Variants in CHD1L observed in about 807,000 individuals in gnomAD.
CHD1L encodes the protein ATP-dependent chromatin remodeler CHD1L.
In CHD1L, 118 loss-of-function variants were observed where a neutral mutation model predicts 115.9. The ratio of observed to expected loss-of-function variants is 1.02; its 90% CI spans 0.88 to 1.19. The LOEUF is 1.19. Among genes scored for constraint, CHD1L ranks in the 50% most tolerant of loss-of-function variants. The pLI is 0.00. For missense variants in CHD1L, 1,179 were observed against 1,065.3 expected, an observed-to-expected ratio of 1.11 and a Z score of -1.49; for synonymous variants, 411 against 387.1, an observed-to-expected ratio of 1.06 and a Z score of -0.72.
rs1203980508 is a variant in CHD1L at position 147,260,200 on chromosome 1, TTGG to T, written c.576+288_576+290del. ...CCATAGTTTACATTCGGGTTCACTC[TTGG>T]TGGTGTGCATTCTGTAGGTTTGGAC... On this transcript the variant is annotated intron_variant, in intron 6 of 22. Coordinates refer to ENST00000369258, the MANE Select transcript of CHD1L (RefSeq NM_004284.6). 4 of 266,882 alleles carry T rather than the reference TTGG, an allele frequency of 1.5e-5. No homozygotes were observed. In the East Asian group the frequency reaches 2.8e-4, roughly 19 times the overall value. 16.5% of individuals were successfully genotyped at this position (266,882 alleles called of 1,614,324 possible).
chr1:147,202,103 CA>C, the CHD1L span, among the ~76,000 whole-genome samples: 1 of 152,158 alleles, frequency 6.6e-6, no homozygotes, highest in South Asian at 2.1e-4. Flanking sequence ...CAATGATACA[CA>C]GCCTAGGATT....
chr1:147,247,554 G>C (rs1352105342), intron 1 of CHD1L, among the ~76,000 whole-genome samples: 3 of 152,150 alleles, frequency 2.0e-5, no homozygotes, highest in African/African-American at 7.2e-5. Flanking sequence ...TGAAGCAGAT[G>C]TTGGTGCCAT....
the CHD1L span, among the ~76,000 whole-genome samples, chr1:147,177,426 T>A: frequency 2.6e-5 from 4 of 152,106 alleles, no homozygotes; most frequent in East Asian, 1.9e-4. Context: ...TTCCAAAAAA[T>A]TTATGTACTC....
At chr1:147,291,043 A>C (rs782008506) in intron 19 of CHD1L, among the ~76,000 whole-genome samples, 1 of 152,158 alleles carries the variant, frequency 6.6e-6, no homozygotes, top group African/African-American at 2.4e-5. Flanking sequence ...AAATTAGCAC[A>C]TTTTTCTTCA....
chr1:147,222,841 G>T, the CHD1L span, among the ~76,000 whole-genome samples: 1 of 152,292 alleles, frequency 6.6e-6, no homozygotes, highest in African/African-American at 2.4e-5. Flanking sequence ...ACAAGATGAT[G>T]GATGCCCTCC....
chr1:147,243,477 T>C (rs1553932452), intron 1 of CHD1L, among the ~76,000 whole-genome samples: 1 of 152,140 alleles, frequency 6.6e-6, no homozygotes, highest in Admixed American at 6.5e-5. Context: ...ACTCGATTTA[T>C]TGACACTAGC....
At chr1:147,288,380 A>G (rs587749246) in intron 19 of CHD1L, among the ~76,000 whole-genome samples, 61 of 151,252 alleles carry the variant, frequency 4.0e-4, no homozygotes, top group African/African-American at 1.5e-3. Flanking sequence ...ACATGAAGGA[A>G]TATGTCATGA....
At chr1:147,198,871 A>G in the CHD1L span, among the ~76,000 whole-genome samples, 1 of 150,634 alleles carries the variant, frequency 6.6e-6, no homozygotes, top group African/African-American at 2.4e-5. Flanking sequence ...AAAAAAAAAA[A>G]AAAAGAAAGA....
intron 22 of CHD1L, 65 bp downstream of exon 22, chr1:147,294,582 G>T: frequency 1.5e-6 from 2 of 1,308,582 alleles, no homozygotes; most frequent in African/African-American, 1.5e-5. Flanking sequence ...TTCATTTTCT[G>T]GTGTCAGTTC....
At chr1:147,218,789 T>G in the CHD1L span, among the ~76,000 whole-genome samples, 1 of 152,216 alleles carries the variant, frequency 6.6e-6, no homozygotes, top group Non-Finnish European at 1.5e-5. Context: ...TGCACAACTT[T>G]AAACCTTCGT....
chr1:147,187,946 A>G, the CHD1L span, among the ~76,000 whole-genome samples: 2 of 152,214 alleles, frequency 1.3e-5, no homozygotes, highest in Non-Finnish European at 2.9e-5. Flanking sequence ...ACTGTAGGAC[A>G]GAGAGGAAGA....
chr1:147,178,159 C>T, the CHD1L span: 5 of 1,609,580 alleles, frequency 3.1e-6, no homozygotes, highest in African/African-American at 1.3e-5. Flanking sequence ...GGCGCTGCTT[C>T]TCGCCGCGGC....
the CHD1L span, chr1:147,173,176 C>G: frequency 6.5e-6 from 1 of 153,204 alleles, no homozygotes; most frequent in African/African-American, 2.4e-5. Context: ...TGGCGCGCGC[C>G]GGAAGTCCCA....
At chr1:147,196,399 A>G in the CHD1L span, among the ~76,000 whole-genome samples, 1 of 152,112 alleles carries the variant, frequency 6.6e-6, no homozygotes, top group Non-Finnish European at 1.5e-5. Flanking sequence ...AATTACTTCT[A>G]CACAACCACA....
chr1:147,256,090 A>G (rs1670038059), intron 4 of CHD1L, among the ~76,000 whole-genome samples, 163 bp downstream of exon 4: 1 of 152,158 alleles, frequency 6.6e-6, no homozygotes, highest in Non-Finnish European at 1.5e-5. Flanking sequence ...AAAAGAAGTG[A>G]AGGATCATTG....
At position 147,286,340 on chromosome 1, in the gene CHD1L, GC is replaced by G; in HGVS notation, c.2064del (p.Ser689LeufsTer52). Reference protein sequence around the residue: ...ESNNYQSFCLPSEESEPEDLE... With the variant: ...ESNNYQSFCLXSEESEPEDLE... ...CCAACAATTACCAGTCCTTCTGCCT[GC>G]CCTCTGAGGAGAGCGAGCCAGAGGA... On this transcript the variant is annotated frameshift_variant, in exon 18 of 23. Transcript: ENST00000369258. LOFTEE classifies it high-confidence loss of function. 6.2e-7 allele frequency: 1 copy of G among 1,614,120 alleles called. No individual in the cohort carries two copies. Among genetic ancestry groups the G allele is most frequent in the East Asian group, 2.2e-5 (1 of 44,876 alleles).
chr1:147,201,085 A>G, the CHD1L span: 1 of 1,138,816 alleles, frequency 8.8e-7, no homozygotes, highest in Non-Finnish European at 1.3e-6. Context: ...CTATTTAAAA[A>G]CAAGTACCTA....
At chr1:147,294,665 A>T in intron 22 of CHD1L, 148 bp downstream of exon 22, 1 of 544,140 alleles carries the variant, frequency 1.8e-6, no homozygotes, top group Non-Finnish European at 3.2e-6. Context: ...AGAAAGAAGC[A>T]CTTTCTAACT....
At chr1:147,247,936 G>T (rs1667129920) in intron 1 of CHD1L, among the ~76,000 whole-genome samples, 1 of 152,158 alleles carries the variant, frequency 6.6e-6, no homozygotes, top group East Asian at 1.9e-4. Context: ...TGATTAGATT[G>T]TATGTCCATT....
Sources: gnomAD v4.1 joint callset for allele counts (sites outside exome capture counted in the v4.1 genomes callset) on GRCh38, gnomAD v4.1.1 for gene constraint, MANE v1.5 for transcripts, NCBI Gene and HGNC (gene_info 2026-07-23, HGNC 2026-07-21) for gene names.